Variants in SLC9A6 observed in about 807,000 individuals in gnomAD.
SLC9A6 encodes the protein sodium/hydrogen exchanger 6.
A neutral mutation model predicts 45.3 loss-of-function variants in SLC9A6; 6 were observed. The ratio of observed to expected loss-of-function variants is 0.13; its 90% CI spans 0.07 to 0.26. The LOEUF is 0.26. SLC9A6 is among the 10% of genes least tolerant of loss of function. The pLI is 1.00. For synonymous variants in SLC9A6, 191 were observed against 187.7 expected, an observed-to-expected ratio of 1.02 and a Z score of -0.14; for missense variants, 278 against 503.7, an observed-to-expected ratio of 0.55 and a Z score of 4.29.
intron 1 of SLC9A6, among the ~76,000 whole-genome samples, chrX:135,977,569 G>A (rs1556613476): frequency 8.9e-6 from 1 of 111,966 alleles, no homozygotes; most frequent in African/African-American, 3.3e-5. Flanking sequence ...ATATTTATGA[G>A]ATATATACCT....
At chrX:136,033,848 G>A (rs781986863) in intron 16 of SLC9A6, among the ~76,000 whole-genome samples, 120 of 111,958 alleles carry the variant, frequency 1.1e-3, no homozygotes, top group African/African-American at 3.6e-3. Flanking sequence ...TCTTGTCTGC[G>A]TACTTGGCAG....
chrX:135,982,212 G>A (rs1254706089), upstream of SLC9A6, among the ~76,000 whole-genome samples: 1 of 110,925 alleles, frequency 9.0e-6, no homozygotes, highest in African/African-American at 3.3e-5. Context: ...CTCCCTGGAT[G>A]GGAGTGCAGA....
intron 2 of SLC9A6, among the ~76,000 whole-genome samples, chrX:135,990,222 G>T (rs1395983232): frequency 9.0e-6 from 1 of 111,640 alleles, no homozygotes; most frequent in Non-Finnish European, 1.9e-5. Context: ...TCCTGACCTT[G>T]TGATCCACCC....
chrX:135,973,994 G>T, upstream of SLC9A6: 1 of 908,752 alleles, frequency 1.1e-6, no homozygotes. Flanking sequence ...AAGAGGAAGG[G>T]CGCCGGCAAA....
intron 3 of SLC9A6, among the ~76,000 whole-genome samples, chrX:135,996,355 T>C (rs1556616500): frequency 2.7e-5 from 3 of 111,350 alleles, no homozygotes; most frequent in Non-Finnish European, 3.8e-5. Context: ...TCTGACCATC[T>C]TTAATGCTTT....
intron 16 of SLC9A6, among the ~76,000 whole-genome samples, chrX:136,039,343 G>T (rs1263547842): frequency 9.1e-6 from 1 of 110,269 alleles, no homozygotes; most frequent in Non-Finnish European, 1.9e-5. Context: ...TGGGGAATTT[G>T]TGTGTCTGTA....
In SLC9A6 at chrX:136,016,755, A is replaced by G; in HGVS notation, c.1191A>G (p.Ala397=). The G allele has an allele frequency of 9.6e-7, 1 of 1,037,746 alleles. No individual in the cohort carries two copies. Among genetic ancestry groups the G allele is most frequent in the Non-Finnish European group, 1.4e-6 (1 of 739,829 alleles). The allele number at this position is 1,037,746 out of a possible 1,213,427, so 85.5% of individuals were successfully genotyped here. A position where few individuals can be genotyped will look rare whatever the true frequency, so the allele number is the denominator to read the frequency against. The change falls in exon 11 of 18, where the codon GCA becomes GCG. Residue 397 remains alanine, a synonymous_variant. Coordinates refer to ENST00000630721, the MANE Select transcript of SLC9A6 (RefSeq NM_001379110.1). The part of the protein sequence containing the change: ...HVFNPTFVVG[A]FVAIFLGRAA... The stretch of plus-strand genomic sequence containing the variant: ...TTAACCCAACATTTGTAGTAGGAGC[A>G]TTTGTATCCTTTATTATGTGTTTTA...
chrX:136,017,809 C>T (rs1260171741), intron 11 of SLC9A6, among the ~76,000 whole-genome samples: 6 of 111,726 alleles, frequency 5.4e-5, no homozygotes, highest in African/African-American at 1.6e-4. Context: ...TGGAGCAGCT[C>T]ATCTGGGTGA....
At chrX:135,976,003 T>TAAAAAA (rs2089260560) in intron 1 of SLC9A6, among the ~76,000 whole-genome samples, 1 of 94,293 alleles carries the variant, frequency 1.1e-5, no homozygotes. Flanking sequence ...AAAAAAAAAG[T>TAAAAAA]AGAAGAAGAC....
intron 8 of SLC9A6, 96 bp from the exon 9 acceptor site, chrX:136,012,853 A>G (rs2070949424): frequency 3.2e-6 from 2 of 621,802 alleles, no homozygotes; most frequent in Non-Finnish European, 5.5e-6. Flanking sequence ...GAGAAGCTAG[A>G]GAACCTTTCT....
intron 13 of SLC9A6, among the ~76,000 whole-genome samples, chrX:136,025,575 T>C (rs1434833248): frequency 8.9e-6 from 1 of 112,580 alleles, no homozygotes; most frequent in Non-Finnish European, 1.9e-5. Context: ...TTATTGTGCA[T>C]AGTATAAAAT....
At chrX:135,982,924 G>A (rs1179879267), upstream of SLC9A6, among the ~76,000 whole-genome samples, 1 of 112,178 alleles carries the variant, frequency 8.9e-6, no homozygotes, top group Admixed American at 9.4e-5. Flanking sequence ...AAGCAAGGCT[G>A]GATTCCTGGT....
chrX:135,997,691 C>G (rs2089525835), intron 3 of SLC9A6, among the ~76,000 whole-genome samples: 1 of 110,297 alleles, frequency 9.1e-6, no homozygotes, highest in Non-Finnish European at 1.9e-5. Flanking sequence ...GCTGGGATTA[C>G]AGGTGTGAGC....
chrX:136,014,122 T>A (rs782121731), intron 10 of SLC9A6, among the ~76,000 whole-genome samples: 1 of 112,183 alleles, frequency 8.9e-6, no homozygotes, highest in East Asian at 2.8e-4. Flanking sequence ...AAGTGTAATG[T>A]CTGGAATAGA....
Position 135,998,715 on chromosome X carries a change from A to G in SLC9A6, c.525-141A>G, listed in dbSNP as rs2089540566. 7.8e-6 allele frequency: 5 copies of G among 638,784 alleles called. No homozygotes were observed. In the East Asian group the frequency reaches 1.4e-4, roughly 18 times the overall value. The allele number at this position is 638,784 out of a possible 1,213,427, so 52.6% of individuals were successfully genotyped here. A position where few individuals can be genotyped will look rare whatever the true frequency, so the allele number is the denominator to read the frequency against. On this transcript the variant is annotated intron_variant, in intron 5 of 17. Coordinates refer to ENST00000630721, the MANE Select transcript of SLC9A6 (RefSeq NM_001379110.1). ...AGTTGTTTGAATTTTCCTTAAGGCC[A>G]AAGTATTACCATATTTCAATGACAT... is the stretch of plus-strand genomic sequence containing the variant.
intron 10 of SLC9A6, 80 bp from the exon 11 acceptor site, chrX:136,016,565 T>A (rs781844585): frequency 4.2e-4 from 240 of 573,434 alleles, no homozygotes; most frequent in Non-Finnish European, 6.4e-4. Flanking sequence ...TGAGTGTCTG[T>A]TTTAATATCT....
At chrX:135,980,270 G>A (rs2089280576), upstream of SLC9A6, among the ~76,000 whole-genome samples, 1 of 109,136 alleles carries the variant, frequency 9.2e-6, no homozygotes, top group Non-Finnish European at 1.9e-5. Flanking sequence ...CTGCAGTGCA[G>A]TGGTGCAATC....
At chrX:136,003,216 C>T (rs186468997) in intron 7 of SLC9A6, among the ~76,000 whole-genome samples, 72 of 106,864 alleles carry the variant, frequency 6.7e-4, no homozygotes, top group Middle Eastern at 5.1e-3. Context: ...CTCAAACTCC[C>T]GACCTCAGGT....
rs1431139619 is a variant in SLC9A6 at position 136,023,179 on chromosome X, A to G, written c.1306+482A>G. On this transcript the variant is annotated intron_variant, in intron 12 of 17. Transcript: ENST00000630721. ...AAAGAAAATGTATATATATATATAT[A>G]TATATATATATATATATATATATAT... is the stretch of plus-strand genomic sequence containing the variant. Among the ~76,000 whole-genome samples the G allele has an allele frequency of 4.2e-3, 67 of 15,807 alleles. 3 individuals carry two copies. The highest frequency in any genetic ancestry group is 0.014 in the African/African-American group (53 of 3,749). 13.7% of individuals were successfully genotyped at this position (15,807 alleles called of 115,157 possible).
Sources: gnomAD v4.1 joint callset for allele counts (sites outside exome capture counted in the v4.1 genomes callset) on GRCh38, gnomAD v4.1.1 for gene constraint, MANE v1.5 for transcripts, NCBI Gene and HGNC (gene_info 2026-07-23, HGNC 2026-07-21) for gene names.